Variants in ZNF233 observed in about 807,000 individuals in gnomAD.
ZNF233 encodes the protein zinc finger protein 233.
In ZNF233, 7 loss-of-function variants were observed where a neutral mutation model predicts 11.6. That is an observed-to-expected ratio of 0.60 (90% CI 0.34 to 1.13). The LOEUF is 1.13. ZNF233 is among the 50% of genes most tolerant of loss of function. The pLI is 0.03. For synonymous variants in ZNF233, 226 were observed against 268.5 expected (o/e 0.84, Z 1.55); for missense variants, 711 against 785.5 (o/e 0.91, Z 1.13).
chr19:44,272,606 G>A (rs1975266405), intron 4 of ZNF233, among the ~76,000 whole-genome samples: 1 of 151,846 alleles, frequency 6.6e-6, no homozygotes, highest in Non-Finnish European at 1.5e-5. Context: ...ATGGTGGCAG[G>A]CGCCTGTAGT....
chr19:44,261,172 G>A (rs891332667), intron 1 of ZNF233, among the ~76,000 whole-genome samples: 1 of 152,170 alleles, frequency 6.6e-6, no homozygotes, highest in Non-Finnish European at 1.5e-5. Context: ...GGGGTGCAGT[G>A]ACTCACGCCT....
chr19:44,260,908 T>G lies in ZNF233; in HGVS notation c.-48+970T>G, dbSNP rs566200526. ...TTCGTGAATGAGTAATAATAAAATT[T>G]GTTAATACGTTGAGTGCCAGGGTCT... is the stretch of plus-strand genomic sequence containing the variant. On this transcript the variant is annotated intron_variant, in intron 1 of 4. Coordinates refer to ENST00000683810, the MANE Select transcript of ZNF233 (RefSeq NM_001207005.2). 6.6e-5 allele frequency among the ~76,000 whole-genome samples: 10 copies of G among 152,348 alleles called. No homozygotes were observed. The South Asian group carries it at 2.1e-3, about 32-fold the overall frequency.
At chr19:44,269,450 C>G (rs1374824271) in intron 4 of ZNF233, among the ~76,000 whole-genome samples, 5 of 152,058 alleles carry the variant, frequency 3.3e-5, no homozygotes, top group Admixed American at 6.6e-5. Context: ...CGCATGCCAC[C>G]ACACCCAGCT....
Position 44,273,251 on chromosome 19 carries a change from G to T in ZNF233, c.591G>T (p.Arg197Ser), listed in dbSNP as rs755137481. The T allele has an allele frequency of 1.2e-6, 2 of 1,613,916 alleles. No homozygotes were observed. Among genetic ancestry groups the T allele is most frequent in the South Asian group, 2.2e-5 (2 of 91,074 alleles). The change falls in exon 5 of 5, where the codon AGG becomes AGT. Residue 197 changes from arginine (R) to serine (S), a missense_variant. By Grantham distance (110) the Arg-to-Ser change is moderately radical (BLOSUM62 -1). Coordinates refer to ENST00000683810, the MANE Select transcript of ZNF233 (RefSeq NM_001207005.2). ...GAGAACCACAGAATTATCAGAGTAG[G>T]TGTCAGCAAATTGATGTAAAAAATA... ...YLREPQNYQS[R>S]CQQIDVKNKL...
rs1201026557 is a variant in ZNF233 at position 44,264,352 on chromosome 19, C to G, written c.-9C>G. On this transcript the variant is annotated 5_prime_UTR_variant, in exon 2 of 5. Transcript: ENST00000683810. ...GGACCCTGCCCTTCCCCAGAAGGAG[C>G]AGGAGAAAATGACCAAGTTTCAGGT... 9.3e-6 allele frequency: 15 copies of G among 1,613,126 alleles called. No homozygotes were observed. The highest frequency in any genetic ancestry group is 1.3e-5 in the Non-Finnish European group (15 of 1,179,572).
intron 4 of ZNF233, chr19:44,267,437 G>T: frequency 5.0e-6 from 2 of 396,268 alleles, no homozygotes; most frequent in South Asian, 2.6e-4. Context: ...CTGCAGCCTC[G>T]ACCTCCCAGG....
intron 4 of ZNF233, among the ~76,000 whole-genome samples, chr19:44,270,193 T>C (rs1427815742): frequency 6.6e-6 from 1 of 152,096 alleles, no homozygotes; most frequent in South Asian, 2.1e-4. Context: ...TTATCAATTA[T>C]TTTATAACAA....
chr19:44,270,758 C>G (rs1474676047), intron 4 of ZNF233, among the ~76,000 whole-genome samples: 1 of 152,206 alleles, frequency 6.6e-6, no homozygotes, highest in East Asian at 1.9e-4. Flanking sequence ...CGCTTCCTTG[C>G]TAAGTGAACC....
intron 1 of ZNF233, among the ~76,000 whole-genome samples, chr19:44,262,177 C>G (rs1341939467): frequency 1.3e-5 from 2 of 152,168 alleles, no homozygotes; most frequent in Admixed American, 1.3e-4. Flanking sequence ...TCACTATATT[C>G]TAGGTGCTTG....
intron 4 of ZNF233, among the ~76,000 whole-genome samples, chr19:44,270,175 T>A (rs1599876677): frequency 6.6e-6 from 1 of 152,084 alleles, no homozygotes; most frequent in African/African-American, 2.4e-5. Context: ...TTATGACACC[T>A]GTGTTAGTTA....
At chr19:44,264,110 A>T (rs182934051) in intron 1 of ZNF233, among the ~76,000 whole-genome samples, 91 of 152,228 alleles carry the variant, frequency 6.0e-4, no homozygotes, top group African/African-American at 2.0e-3. Context: ...CCAGCTAATT[A>T]TTGTATTTTT....
In ZNF233 at chr19:44,274,695, T is replaced by A. The variant is rs957098359; in HGVS notation, c.*22T>A. 1 of 1,546,236 alleles carries A rather than the reference T, an allele frequency of 6.5e-7. No individual in the cohort carries two copies. The highest frequency in any genetic ancestry group is 1.4e-5 in the African/African-American group (1 of 73,170). ...ATGATGGTGATGAATCTATTAATCATGATGAGTGTGATAGGGGTGCTCTTC... is the reference window on the plus strand; with the variant it reads ...ATGATGGTGATGAATCTATTAATCAAGATGAGTGTGATAGGGGTGCTCTTC... On this transcript the variant is annotated 3_prime_UTR_variant, in exon 5 of 5. Transcript: ENST00000683810.
At chr19:44,268,481 A>G (rs1378344790) in intron 4 of ZNF233, among the ~76,000 whole-genome samples, 1 of 152,120 alleles carries the variant, frequency 6.6e-6, no homozygotes, top group Non-Finnish European at 1.5e-5. Context: ...GCCCAACACT[A>G]ATATTACCTG....
chr19:44,271,134 C>T (rs1975227589), intron 4 of ZNF233, among the ~76,000 whole-genome samples: 1 of 152,134 alleles, frequency 6.6e-6, no homozygotes, highest in Non-Finnish European at 1.5e-5. Context: ...ATCATGTTCA[C>T]TAATTGAATA....
intron 4 of ZNF233, among the ~76,000 whole-genome samples, chr19:44,270,576 C>CTATGGGTTA (rs2123061042): frequency 6.6e-6 from 1 of 152,184 alleles, no homozygotes; most frequent in Non-Finnish European, 1.5e-5. Flanking sequence ...TTTATAGTTT[C>CTATGGGTTA]TATGGGTTAG....
intron 3 of ZNF233, 84 bp from the exon 4 acceptor site, chr19:44,266,782 G>C (rs1975096141): frequency 1.0e-6 from 1 of 960,676 alleles, no homozygotes; most frequent in South Asian, 1.6e-5. Context: ...ATACTACTTA[G>C]AGCGCATGAA....
At position 44,266,796 on chromosome 19, in the gene ZNF233, G is replaced by A. The variant is rs1975096953; in HGVS notation, c.143-70G>A. The A allele has an allele frequency of 7.2e-6, 8 of 1,107,694 alleles. No individual in the cohort carries two copies. In the South Asian group the frequency reaches 1.0e-4, roughly 14 times the overall value. The allele number at this position is 1,107,694 out of a possible 1,614,324, so 68.6% of individuals were successfully genotyped here. Reference sequence around the variant, plus strand: ...AATACTACTTAGAGCGCATGAAAATGGTGGTGTTGGAATTAAAATTTTTGA... The same window carrying A: ...AATACTACTTAGAGCGCATGAAAATAGTGGTGTTGGAATTAAAATTTTTGA... On this transcript the variant is annotated intron_variant, in intron 3 of 4. Transcript: ENST00000683810.
chr19:44,267,504 T>A (rs112011611), intron 4 of ZNF233: 92 of 397,730 alleles, frequency 2.3e-4, no homozygotes, highest in African/African-American at 1.7e-3. Flanking sequence ...CTACAGGCAC[T>A]TGCCACTATG....
intron 4 of ZNF233, chr19:44,267,351 CTTTT>C (rs112959957): frequency 5.3e-6 from 2 of 377,948 alleles, no homozygotes; most frequent in East Asian, 3.7e-5. Context: ...GCCAAGGGTG[CTTTT>C]TTTTTTTTTT....
Sources: gnomAD v4.1 joint callset for allele counts (sites outside exome capture counted in the v4.1 genomes callset) on GRCh38, gnomAD v4.1.1 for gene constraint, MANE v1.5 for transcripts, NCBI Gene and HGNC (gene_info 2026-07-23, HGNC 2026-07-21) for gene names.